Variants in MFSD11 observed in about 807,000 individuals in gnomAD.
MFSD11 encodes UNC93-like protein MFSD11.
In MFSD11, 36 loss-of-function variants were observed where a neutral mutation model predicts 53.5. The observed-to-expected ratio is 0.67, with a 90% CI of 0.52 to 0.89. The LOEUF is 0.89. Among genes scored for constraint, MFSD11 ranks in the 40% least tolerant of loss-of-function variants. The probability of loss-of-function intolerance (pLI) is 0.00; values close to 1 mark genes in which losing one functional copy is unlikely to be tolerated. For missense variants in MFSD11, 530 were observed against 543.9 expected (o/e 0.97, Z 0.25); for synonymous variants, 186 against 184.9 (o/e 1.01, Z -0.05).
chr17:76,772,666 C>T (rs768699226), intron 10 of MFSD11, among the ~76,000 whole-genome samples: 50 of 151,758 alleles, frequency 3.3e-4, no homozygotes, highest in East Asian at 2.2e-3. Context: ...TACAGGCAAC[C>T]GCTACCACGC....
chr17:76,769,659 G>GT, intron 9 of MFSD11, 87 bp from the exon 10 acceptor site: 1 of 1,030,596 alleles, frequency 9.7e-7, no homozygotes, highest in East Asian at 2.5e-5. Context: ...TACTACGCAA[G>GT]TATTCTTTCG....
At chr17:76,752,927 G>A (rs1405187290) in intron 7 of MFSD11, 1 of 151,744 alleles carries the variant, frequency 6.6e-6, no homozygotes, top group African/African-American at 2.4e-5. Context: ...CACTTCGGCA[G>A]CACAAATACT....
intron 7 of MFSD11, among the ~76,000 whole-genome samples, chr17:76,752,545 A>T (rs887816637): frequency 1.3e-5 from 2 of 151,752 alleles, no homozygotes; most frequent in Admixed American, 6.6e-5. Context: ...ACCCTGCTAA[A>T]TTTTTTTGTA....
At chr17:76,740,351 A>G (rs1477014976) in intron 2 of MFSD11, among the ~76,000 whole-genome samples, 2 of 152,174 alleles carry the variant, frequency 1.3e-5, no homozygotes, top group East Asian at 1.9e-4. Flanking sequence ...GGCTGGGTCA[A>G]TAGTAACTGA....
chr17:76,784,861 T>C (rs544572250), downstream of MFSD11, among the ~76,000 whole-genome samples: 10 of 152,320 alleles, frequency 6.6e-5, no homozygotes, highest in East Asian at 1.5e-3. Flanking sequence ...ATCATACTAC[T>C]GCACTCCAGC....
upstream of MFSD11, chr17:76,737,320 T>G (rs2077564446): frequency 4.8e-6 from 5 of 1,039,836 alleles, no homozygotes; most frequent in Non-Finnish European, 6.7e-6. Context: ...CTAGCGCACC[T>G]GAGTAACAAC....
downstream of MFSD11, among the ~76,000 whole-genome samples, chr17:76,780,821 A>G (rs943609547): frequency 1.3e-5 from 2 of 152,056 alleles, no homozygotes; most frequent in South Asian, 4.1e-4. Context: ...GCGGCTCCAG[A>G]TTTTGAAGTT....
chr17:76,761,278 G>A (rs886075530), intron 8 of MFSD11, among the ~76,000 whole-genome samples: 1 of 152,120 alleles, frequency 6.6e-6, no homozygotes, highest in Non-Finnish European at 1.5e-5. Flanking sequence ...TATCAAAAGG[G>A]ATAAAAATGT....
At chr17:76,802,023 C>T in the MFSD11 span, among the ~76,000 whole-genome samples, 1 of 151,848 alleles carries the variant, frequency 6.6e-6, no homozygotes. Flanking sequence ...ACACTTAGCA[C>T]TTTGGGAGGC....
chr17:76,802,270 CA>C, the MFSD11 span, among the ~76,000 whole-genome samples: 1 of 151,914 alleles, frequency 6.6e-6, no homozygotes, highest in Non-Finnish European at 1.5e-5. Context: ...AACTCTGTCT[CA>C]AAAACAACAA....
In MFSD11 at chr17:76,778,379, G is replaced by C; in HGVS notation, c.*27G>C. On this transcript the variant is annotated 3_prime_UTR_variant, in exon 13 of 13. Coordinates refer to ENST00000685175, the MANE Select transcript of MFSD11 (RefSeq NM_001242532.5). The stretch of plus-strand genomic sequence containing the variant: ...CTGGTGTCCGTGAGGGGACACGTAT[G>C]ACCTCAGAAACACAGCTGGACACAG... The C allele has an allele frequency of 6.2e-7, 1 of 1,611,614 alleles. No individual in the cohort carries two copies. The highest frequency in any genetic ancestry group is 8.5e-7 in the Non-Finnish European group (1 of 1,177,998).
At chr17:76,737,247 GC>G (rs1568028347), upstream of MFSD11, 2 of 1,450,640 alleles carry the variant, frequency 1.4e-6, no homozygotes, top group South Asian at 2.8e-5. Flanking sequence ...TCAGGCAGTT[GC>G]CTTCCGCGTG....
chr17:76,736,751 TCCCGCGCGC>T (rs1253521703), upstream of MFSD11: 6 of 1,393,490 alleles, frequency 4.3e-6, no homozygotes, highest in Non-Finnish European at 5.6e-6. Flanking sequence ...CGCCCGGGCC[TCCCGCGCGC>T]CCCGCCCCGC....
intron 3 of MFSD11, 144 bp from the exon 4 acceptor site, chr17:76,741,825 G>T (rs1361744750): frequency 1.6e-6 from 2 of 1,259,286 alleles, no homozygotes; most frequent in East Asian, 2.4e-5. Context: ...AAAGTTGATT[G>T]TGTCCCTTTT....
chr17:76,791,347 T>C, the MFSD11 span, among the ~76,000 whole-genome samples: 2 of 149,428 alleles, frequency 1.3e-5, no homozygotes, highest in Admixed American at 6.7e-5. Context: ...CTGAAAATGT[T>C]GTCAGATATT....
At chr17:76,787,133 CTTTT>C in the MFSD11 span, among the ~76,000 whole-genome samples, 7 of 114,946 alleles carry the variant, frequency 6.1e-5, no homozygotes, top group Admixed American at 9.1e-5. Context: ...TGAGTGATTT[CTTTT>C]TTTTTTTTTT....
chr17:76,772,173 C>T (rs1447467743), intron 10 of MFSD11, among the ~76,000 whole-genome samples: 1 of 152,096 alleles, frequency 6.6e-6, no homozygotes, highest in African/African-American at 2.4e-5. Flanking sequence ...ATAATTCTAG[C>T]ACTTTGGGGA....
At chr17:76,768,926 C>T (rs1032461737) in intron 9 of MFSD11, among the ~76,000 whole-genome samples, 3 of 148,286 alleles carry the variant, frequency 2.0e-5, no homozygotes, top group Non-Finnish European at 4.4e-5. Context: ...GCAGAGGTTG[C>T]AGTGAGTTGA....
chr17:76,769,687 G>A, intron 9 of MFSD11, 59 bp from the exon 10 acceptor site: 1 of 1,381,714 alleles, frequency 7.2e-7, no homozygotes, highest in Non-Finnish European at 1.0e-6. Flanking sequence ...CTACTAGATG[G>A]GAAGATAAAC....
Sources: allele counts gnomAD v4.1 joint callset (sites outside exome capture counted in the v4.1 genomes callset), GRCh38; gene constraint gnomAD v4.1.1; transcripts MANE v1.5; gene names NCBI Gene and HGNC (gene_info 2026-07-23, HGNC 2026-07-21).